The following EIF2B3 variants were observed in gnomAD, a reference collection of about 807,000 sequenced individuals.
EIF2B3 encodes the protein translation initiation factor eIF2B subunit gamma.
EIF2B3 carries 20 observed loss-of-function variants against 54.1 expected under a neutral mutation model. The observed-to-expected ratio is 0.37, with a 90% CI of 0.26 to 0.54. The LOEUF (loss-of-function observed/expected upper bound fraction) is 0.54, where lower values mean the gene tolerates loss of function less well. Among genes scored for constraint, EIF2B3 ranks in the 20% least tolerant of loss-of-function variants. EIF2B3 has a pLI of 0.86. For missense variants in EIF2B3, 448 were observed against 547.8 expected (o/e 0.82, Z 1.82); for synonymous variants, 153 against 188.1 (o/e 0.81, Z 1.52).
rs532024905 is a variant in EIF2B3 at position 44,865,468 on chromosome 1, C to T, written c.1203-7661G>A. Among the ~76,000 whole-genome samples the T allele has an allele frequency of 4.6e-5, 7 of 152,084 alleles. No homozygotes were observed. The South Asian group carries it at 1.2e-3, about 27-fold the overall frequency. On this transcript the variant is annotated intron_variant, in intron 10 of 11. Coordinates refer to ENST00000360403, the MANE Select transcript of EIF2B3 (RefSeq NM_020365.5). Reference sequence around the variant, plus strand: ...GTGCATAGGTATGAGTAGGTTATTTCATTTTATTATAGATAAAGCTTCCTT... The same window carrying T: ...GTGCATAGGTATGAGTAGGTTATTTTATTTTATTATAGATAAAGCTTCCTT...
intron 3 of EIF2B3, among the ~76,000 whole-genome samples, chr1:44,968,051 T>A (rs1218321316): frequency 2.1e-5 from 3 of 145,114 alleles, no homozygotes; most frequent in Non-Finnish European, 4.5e-5. Context: ...AATAAATAAA[T>A]AAAAATAAAA....
At chr1:44,966,419 A>C (rs1398320630) in intron 3 of EIF2B3, among the ~76,000 whole-genome samples, 1 of 147,340 alleles carries the variant, frequency 6.8e-6, no homozygotes, top group Non-Finnish European at 1.5e-5. Context: ...AGCCTGGGCG[A>C]CAGAGCGAGA....
intron 3 of EIF2B3, among the ~76,000 whole-genome samples, chr1:44,955,207 G>A (rs960440203): frequency 1.3e-5 from 2 of 152,124 alleles, no homozygotes; most frequent in South Asian, 2.1e-4. Flanking sequence ...CAGAAATAAC[G>A]CCGCACATCT....
intron 2 of EIF2B3, among the ~76,000 whole-genome samples, chr1:44,979,485 A>AG (rs1644490291): frequency 6.6e-6 from 1 of 150,820 alleles, no homozygotes; most frequent in African/African-American, 2.4e-5. Flanking sequence ...AAAAAAAAAA[A>AG]AAAAAAAAAA....
chr1:44,922,836 ATTTTTTTTTTT>A (rs386366852), intron 5 of EIF2B3, among the ~76,000 whole-genome samples: 4 of 56,642 alleles, frequency 7.1e-5, no homozygotes, highest in East Asian at 6.6e-4. Flanking sequence ...TCTTTTTCAG[ATTTTTTTTTTT>A]TTTTTTTTTT....
intron 3 of EIF2B3, among the ~76,000 whole-genome samples, chr1:44,957,622 G>A (rs768434728): frequency 1.3e-5 from 2 of 152,012 alleles, no homozygotes; most frequent in African/African-American, 2.4e-5. Context: ...TCAGCTGGGC[G>A]TGGTGGCATG....
chr1:44,923,950 T>C (rs1036322711), intron 5 of EIF2B3, among the ~76,000 whole-genome samples: 4 of 150,218 alleles, frequency 2.7e-5, no homozygotes, highest in Non-Finnish European at 5.9e-5. Context: ...CTTTTTTTTT[T>C]TTTTTTTTGA....
chr1:44,873,742 G>A (rs1655035509), intron 10 of EIF2B3, among the ~76,000 whole-genome samples: 2 of 151,948 alleles, frequency 1.3e-5, no homozygotes, highest in Admixed American at 1.3e-4. Flanking sequence ...CTGGGTTCAA[G>A]CCATTCTCCT....
At chr1:44,926,833 G>C in intron 4 of EIF2B3, 94 bp from the exon 5 acceptor site, 2 of 1,101,732 alleles carry the variant, frequency 1.8e-6, no homozygotes, top group Non-Finnish European at 2.7e-6. Flanking sequence ...CAGTGCTCTT[G>C]GAAACAACAC....
rs1003268209 is a variant in EIF2B3, at chr1:44,986,119, C to T, written c.-10+374G>A. On this transcript the variant is annotated intron_variant, in intron 1 of 11. Coordinates refer to ENST00000360403, the MANE Select transcript of EIF2B3 (RefSeq NM_020365.5). ...TTAAGCAGAACCCTCCCCGAAACTT[C>T]GTTTCTTTCTTTTCTTTTCTTTTTT... 3.3e-5 allele frequency among the ~76,000 whole-genome samples: 5 copies of T among 150,224 alleles called. No individual in the cohort carries two copies. In the South Asian group the frequency reaches 1.0e-3, roughly 31 times the overall value.
At chr1:44,960,980 T>C (rs1644278872) in intron 3 of EIF2B3, among the ~76,000 whole-genome samples, 1 of 152,068 alleles carries the variant, frequency 6.6e-6, no homozygotes, top group Admixed American at 6.6e-5. Flanking sequence ...CAAGAGACTG[T>C]ATTAAAATAA....
intron 3 of EIF2B3, among the ~76,000 whole-genome samples, chr1:44,946,596 T>C (rs1456607353): frequency 6.6e-6 from 1 of 151,226 alleles, no homozygotes; most frequent in Non-Finnish European, 1.5e-5. Flanking sequence ...CATGCCACTA[T>C]GTCCACTAAT....
intron 3 of EIF2B3, among the ~76,000 whole-genome samples, chr1:44,964,368 C>G (rs937619198): frequency 2.6e-5 from 4 of 152,114 alleles, no homozygotes; most frequent in Non-Finnish European, 5.9e-5. Context: ...TGTATTTACT[C>G]TTTTCAAGAT....
chr1:44,851,087 C>A, intron 11 of EIF2B3, 84 bp from the exon 12 acceptor site: 4 of 1,375,142 alleles, frequency 2.9e-6, no homozygotes, highest in South Asian at 2.3e-5. Flanking sequence ...TTTTGGAGAC[C>A]GAGTTTCGCT....
intron 10 of EIF2B3, among the ~76,000 whole-genome samples, chr1:44,868,713 G>A (rs879803860): frequency 9.2e-5 from 14 of 152,112 alleles, no homozygotes; most frequent in Non-Finnish European, 1.6e-4. Context: ...TTCCTTGGAA[G>A]GTCTGAGAGA....
At chr1:44,878,753 TC>T (rs1433403011) in intron 8 of EIF2B3, among the ~76,000 whole-genome samples, 1 of 151,204 alleles carries the variant, frequency 6.6e-6, no homozygotes, top group Non-Finnish European at 1.5e-5. Flanking sequence ...TCTTTTCCTA[TC>T]CTCTTTTTTT....
At chr1:44,956,795 C>T (rs190480644) in intron 3 of EIF2B3, among the ~76,000 whole-genome samples, 120 of 152,010 alleles carry the variant, frequency 7.9e-4, no homozygotes, top group African/African-American at 2.7e-3. Context: ...CTGTTCATAC[C>T]GTACACAAGA....
In EIF2B3 at chr1:44,951,954, A is replaced by ATTT. The variant is rs1171020644; in HGVS notation, c.295-10292_295-10290dup. On this transcript the variant is annotated intron_variant, in intron 3 of 11. Coordinates refer to ENST00000360403, the MANE Select transcript of EIF2B3 (RefSeq NM_020365.5). ...AGGGGCGCACCACCATGCCTGGCTA[A>ATTT]TTTTTTTTTTTTTTTTTTTTTTTTT... Among the ~76,000 whole-genome samples the ATTT allele has an allele frequency of 7.5e-3, 337 of 44,648 alleles. 73 individuals are homozygous for ATTT. The highest frequency in any genetic ancestry group is 9.5e-3 in the Non-Finnish European group (264 of 27,886). The allele number at this position is 44,648 out of a possible 152,430, so 29.3% of individuals were successfully genotyped here.
rs184603227 is a variant in EIF2B3 at position 44,858,503 on chromosome 1, C to T, written c.1203-696G>A. On this transcript the variant is annotated intron_variant, in intron 10 of 11. Coordinates refer to ENST00000360403, the MANE Select transcript of EIF2B3 (RefSeq NM_020365.5). ...TTTTTTTTTCTTTGAGATAGGGTCT[C>T]GGATTACCCAGGCTGGAGTGTAGTG... 2.7e-4 allele frequency among the ~76,000 whole-genome samples: 41 copies of T among 152,086 alleles called. No individual in the cohort carries two copies. The East Asian group carries it at 6.0e-3, about 22-fold the overall frequency.
Sources: allele counts gnomAD v4.1 joint callset (sites outside exome capture counted in the v4.1 genomes callset), GRCh38; gene constraint gnomAD v4.1.1; transcripts MANE v1.5; gene names NCBI Gene and HGNC (gene_info 2026-07-23, HGNC 2026-07-21).